LDLRAD1: variants seen among roughly 807,000 people sequenced by gnomAD.
LDLRAD1 encodes low density lipoprotein receptor class A domain containing 1, also known as low-density lipoprotein receptor class A domain-containing protein 1.
In LDLRAD1, 17 loss-of-function variants were observed where a neutral mutation model predicts 24.8. The observed-to-expected ratio is 0.69, with a 90% CI of 0.47 to 1.03. The LOEUF (loss-of-function observed/expected upper bound fraction) is 1.03, where lower values mean the gene tolerates loss of function less well. LDLRAD1 is among the 50% of genes least tolerant of loss of function. The pLI is 0.00. For missense variants in LDLRAD1, 277 were observed against 271.0 expected (o/e 1.02, Z -0.16); for synonymous variants, 103 against 108.2 (o/e 0.95, Z 0.30).
intron 4 of LDLRAD1, among the ~76,000 whole-genome samples, 187 bp downstream of exon 4, chr1:54,011,956 A>G (rs1656069015): frequency 6.6e-6 from 1 of 152,186 alleles, no homozygotes. Flanking sequence ...GGGTGAAGGC[A>G]TTCCTTAGTG....
At chr1:54,014,606 G>A (rs1330267494) in intron 2 of LDLRAD1, among the ~76,000 whole-genome samples, 1 of 152,192 alleles carries the variant, frequency 6.6e-6, no homozygotes, top group African/African-American at 2.4e-5. Flanking sequence ...GAATGGCAGA[G>A]GCGGACAGCC....
At chr1:54,014,200 G>T in intron 3 of LDLRAD1, 36 bp downstream of exon 3, 1 of 1,565,480 alleles carries the variant, frequency 6.4e-7, no homozygotes, top group South Asian at 1.2e-5. Context: ...TGCCCTCCCC[G>T]CCGGGTCTGA....
intron 2 of LDLRAD1, among the ~76,000 whole-genome samples, chr1:54,016,850 T>G (rs1537323): frequency 0.48 from 72,714 of 152,042 alleles, 17,767 homozygotes; most frequent in East Asian, 0.6. Flanking sequence ...GGTATTTTAA[T>G]CTACCTCTCT....
Position 54,010,220 on chromosome 1 carries a change from C to G in LDLRAD1, c.469+62G>C, listed in dbSNP as rs955883709. 3 of 1,597,052 alleles carry G rather than the reference C, an allele frequency of 1.9e-6. No homozygotes were observed. The African/African-American group carries it at 4.0e-5, about 21-fold the overall frequency. On this transcript the variant is annotated intron_variant, in intron 5 of 5. Transcript: ENST00000371360. ...GGAGCCCTAGAGATTCCCTGCTCACCCTTTGCCCTCTGGCTGCTGCCTGGA... is the reference window on the plus strand; with the variant it reads ...GGAGCCCTAGAGATTCCCTGCTCACGCTTTGCCCTCTGGCTGCTGCCTGGA...
rs536570816 is a variant in LDLRAD1 at position 54,010,340 on chromosome 1, T to C, written c.411A>G (p.Ser137=). 1.2e-4 allele frequency: 197 copies of C among 1,614,010 alleles called. No individual in the cohort carries two copies. The highest frequency in any genetic ancestry group is 1.6e-4 in the Non-Finnish European group (192 of 1,179,990). The change falls in exon 5 of 6, where the codon TCA becomes TCG. Residue 137 remains serine, a synonymous_variant. Coordinates refer to ENST00000371360, the MANE Select transcript of LDLRAD1 (RefSeq NM_001010978.4). ...HCGDPASWIY[S]DQKCDGTNNC... ...TGTTAGTGCCATCACATTTTTGGTC[T>C]GAGTAGATCCAGGAGGCCGGGTCTC...
intron 2 of LDLRAD1, among the ~76,000 whole-genome samples, chr1:54,016,280 C>G (rs1302231444): frequency 6.6e-6 from 1 of 152,072 alleles, no homozygotes; most frequent in Non-Finnish European, 1.5e-5. Context: ...ACCTGTCATC[C>G]CTACAGCCCT....
At chr1:54,010,826 C>T (rs771964995) in intron 4 of LDLRAD1, among the ~76,000 whole-genome samples, 29 of 152,198 alleles carry the variant, frequency 1.9e-4, no homozygotes, top group Non-Finnish European at 3.4e-4. Context: ...AGTTGGGCCC[C>T]GGATCTCAGG....
At chr1:54,017,566 C>T (rs756465765) in intron 1 of LDLRAD1, 139 bp from the exon 2 acceptor site, 46 of 704,004 alleles carry the variant, frequency 6.5e-5, no homozygotes, top group Middle Eastern at 2.4e-4. Flanking sequence ...CAGCATCTCA[C>T]GCCCCAGATG....
At chr1:54,014,470 C>T (rs763511728) in intron 2 of LDLRAD1, 106 bp from the exon 3 acceptor site, 91 of 1,110,126 alleles carry the variant, frequency 8.2e-5, no homozygotes, top group Non-Finnish European at 9.9e-5. Flanking sequence ...CTCTCCCCCA[C>T]GAGGGTGAGC....
At chr1:54,011,597 C>G (rs1178766422) in intron 4 of LDLRAD1, among the ~76,000 whole-genome samples, 1 of 152,186 alleles carries the variant, frequency 6.6e-6, no homozygotes, top group Non-Finnish European at 1.5e-5. Flanking sequence ...CTCCTGAGAA[C>G]CTTCAGGTGT....
At position 54,017,422 on chromosome 1, in the gene LDLRAD1, C is replaced by A; in HGVS notation, c.27G>T (p.Glu9Asp). The A allele has an allele frequency of 6.2e-7, 1 of 1,601,872 alleles. No individual in the cohort carries two copies. The highest frequency in any genetic ancestry group is 1.7e-5 in the Admixed American group (1 of 58,552). The change falls in exon 2 of 6, where the codon GAG (glutamate) becomes GAT (aspartate). Residue 9 changes from glutamate to aspartate, a missense_variant. Physicochemically the swap from Glu to Asp is conservative, Grantham distance 45 (BLOSUM62 2). Transcript: ENST00000371360. ...TGGATTCAGCAGCAGTGTAGCCATT[C>A]TCTCCCTGCCCAAGAGAACAGAGTG... MNKVFPQG[E>D]NGYTAAESKA...
chr1:54,015,639 G>C (rs1343191605), intron 2 of LDLRAD1, among the ~76,000 whole-genome samples: 2 of 150,478 alleles, frequency 1.3e-5, no homozygotes, highest in African/African-American at 4.9e-5. Context: ...CGTGGTGGGG[G>C]CTTTTGTTTT....
Position 54,017,438 on chromosome 1 carries a change from G to A in LDLRAD1, c.22-11C>T. The A allele has an allele frequency of 2.5e-6, 4 of 1,596,298 alleles. No homozygotes were observed. Among genetic ancestry groups the A allele is most frequent in the Non-Finnish European group, 3.4e-6 (4 of 1,170,194 alleles). The stretch of plus-strand genomic sequence containing the variant: ...GTAGCCATTCTCTCCCTGCCCAAGA[G>A]AACAGAGTGAGGGGTGGGCTTAGGT... On this transcript the variant is annotated splice_polypyrimidine_tract_variant and intron_variant, in intron 1 of 5. Coordinates refer to ENST00000371360, the MANE Select transcript of LDLRAD1 (RefSeq NM_001010978.4).
rs760062889 is a variant in LDLRAD1, at chr1:54,009,108, G to C, written c.492C>G (p.Gly164=). ...TTGAAGGACAGCGCCACCACCCAGG[G>C]CCGCAGGGTGGGCACACAGTTACTG... The part of the protein sequence containing the change: ...LSPVTVCPPC[G]PGWWRCPSTF... Residue 164 remains glycine (G), a synonymous_variant, in exon 6 of 6, where the codon GGC becomes GGG. Transcript: ENST00000371360. 1.2e-5 allele frequency: 19 copies of C among 1,613,938 alleles called. No individual in the cohort carries two copies. Among genetic ancestry groups the C allele is most frequent in the Non-Finnish European group, 1.6e-5 (19 of 1,179,990 alleles).
chr1:54,009,765 C>T (rs1655971120), intron 5 of LDLRAD1, among the ~76,000 whole-genome samples: 1 of 152,172 alleles, frequency 6.6e-6, no homozygotes, highest in Non-Finnish European at 1.5e-5. Context: ...TGATTGACCA[C>T]TGGGGAAGAG....
intron 4 of LDLRAD1, among the ~76,000 whole-genome samples, chr1:54,010,650 T>C (rs12036530): frequency 0.52 from 78,243 of 151,782 alleles, 21,065 homozygotes; most frequent in African/African-American, 0.68. Flanking sequence ...CCTCCCCAGC[T>C]CTGGTGTGTT....
At chr1:54,010,106 A>C (rs1020572068) in intron 5 of LDLRAD1, among the ~76,000 whole-genome samples, 176 bp downstream of exon 5, 3 of 152,158 alleles carry the variant, frequency 2.0e-5, no homozygotes, top group African/African-American at 7.2e-5. Context: ...AGAAAAAGTC[A>C]CTTGGAGTGG....
rs116802374 is a variant in LDLRAD1, at chr1:54,018,119, G to T, written c.-7C>A. 0.024 allele frequency: 37,987 copies of T among 1,613,546 alleles called. 605 individuals are homozygous for T. Among genetic ancestry groups the T allele is most frequent in the Admixed American group, 0.056 (3,340 of 59,922 alleles). The stretch of plus-strand genomic sequence containing the variant: ...GGGGGAAGACCTTGTTCATGTCTTC[G>T]GTTTCCTGCTGCCCGACTGGGGCTG... On this transcript the variant is annotated 5_prime_UTR_variant, in exon 1 of 6. Transcript: ENST00000371360.
rs567324541 is a variant in LDLRAD1, at chr1:54,012,346, C to T, written c.203-66G>A. 5.1e-6 allele frequency: 8 copies of T among 1,564,288 alleles called. No homozygotes were observed. In the African/African-American group the frequency reaches 1.1e-4, roughly 21 times the overall value. On this transcript the variant is annotated intron_variant, in intron 3 of 5. Coordinates refer to ENST00000371360, the MANE Select transcript of LDLRAD1 (RefSeq NM_001010978.4). The stretch of plus-strand genomic sequence containing the variant: ...GCTCACAAGGACAAACCTTCCTCAC[C>T]TGAACTCCGCCTAGAGCTGGCCTGA...
Sources: gnomAD v4.1 joint callset for allele counts (sites outside exome capture counted in the v4.1 genomes callset) on GRCh38, gnomAD v4.1.1 for gene constraint, MANE v1.5 for transcripts, NCBI Gene and HGNC (gene_info 2026-07-23, HGNC 2026-07-21) for gene names.